ACP1: variants seen among roughly 807,000 people sequenced by gnomAD.
ACP1 encodes the protein low molecular weight phosphotyrosine protein phosphatase.
Under a neutral mutation model 23.4 loss-of-function variants are expected in ACP1, and 23 were observed. The ratio of observed to expected loss-of-function variants is 0.98; its 90% CI spans 0.71 to 1.39. The LOEUF (loss-of-function observed/expected upper bound fraction) is 1.39, where lower values mean the gene tolerates loss of function less well. Ranked by LOEUF, ACP1 falls within the 40% of genes most tolerant of loss-of-function variation. The pLI, the probability that ACP1 is intolerant of heterozygous loss-of-function variation, is 0.00. For synonymous variants in ACP1, 72 were observed against 67.2 expected, an observed-to-expected ratio of 1.07 and a Z score of -0.35; for missense variants, 180 against 197.7, an observed-to-expected ratio of 0.91 and a Z score of 0.54.
intron 1 of ACP1, 49 bp from the exon 2 acceptor site, chr2:271,817 C>A: frequency 6.9e-7 from 1 of 1,448,876 alleles, no homozygotes; most frequent in Non-Finnish European, 9.7e-7. Context: ...TGGCATGTGC[C>A]CTTCCATCCA....
chr2:268,314 CTT>C (rs1669943791), intron 1 of ACP1, among the ~76,000 whole-genome samples: 1 of 152,190 alleles, frequency 6.6e-6, no homozygotes, highest in Admixed American at 6.5e-5. Context: ...ATGTAAAAAA[CTT>C]TGTTCATTCA....
Position 264,980 on chromosome 2 carries a change from A to G in ACP1, c.16A>G (p.Thr6Ala), listed in dbSNP as rs369444515. 6.8e-6 allele frequency: 11 copies of G among 1,612,984 alleles called. No individual in the cohort carries two copies. In the African/African-American group the frequency reaches 1.2e-4, roughly 18 times the overall value. Residue 6 changes from threonine (T) to alanine (A), a missense_variant, in exon 1 of 6, where the codon ACC (threonine) becomes GCC (alanine). Physicochemically the swap from Thr to Ala is moderately conservative, Grantham distance 58 (BLOSUM62 0). Transcript: ENST00000272065. ...GCGCGGGAAGATGGCGGAACAGGCTACCAAGTCCGTGCTGTTTGTGTGTCT... is the reference window on the plus strand; with the variant it reads ...GCGCGGGAAGATGGCGGAACAGGCTGCCAAGTCCGTGCTGTTTGTGTGTCT... The part of the protein sequence containing the change: MAEQA[T>A]KSVLFVCLGN...
At chr2:269,672 T>C (rs1291487948) in intron 1 of ACP1, among the ~76,000 whole-genome samples, 1 of 152,148 alleles carries the variant, frequency 6.6e-6, no homozygotes, top group Non-Finnish European at 1.5e-5. Context: ...TCATTTATCT[T>C]CCCCAGCGCA....
chr2:275,968 T>C (rs1670160123), intron 4 of ACP1, among the ~76,000 whole-genome samples: 2 of 152,246 alleles, frequency 1.3e-5, no homozygotes, highest in Non-Finnish European at 2.9e-5. Flanking sequence ...TTAAAATGCA[T>C]GTATTTTTTA....
intron 1 of ACP1, among the ~76,000 whole-genome samples, chr2:266,075 A>G (rs1458883792): frequency 6.6e-6 from 1 of 152,232 alleles, no homozygotes; most frequent in Non-Finnish European, 1.5e-5. Context: ...AAAAGATGTA[A>G]TACAGAAAAG....
intron 1 of ACP1, among the ~76,000 whole-genome samples, chr2:265,733 A>C: frequency 6.6e-6 from 1 of 152,194 alleles, no homozygotes. Context: ...GAAGGCCTAA[A>C]TTGTCAGTAG....
At position 278,241 on chromosome 2, in the gene ACP1, AAAAT is replaced by A. The variant is rs1670230110; in HGVS notation, c.*941_*944del. 6.6e-6 allele frequency: 1 copy of A among 152,248 alleles called. No individual in the cohort carries two copies. The highest frequency in any genetic ancestry group is 2.4e-5 in the African/African-American group (1 of 41,458). The allele number at this position is 152,248 out of a possible 1,614,324, so 9.4% of individuals were successfully genotyped here. A position where few individuals can be genotyped will look rare whatever the true frequency, so the allele number is the denominator to read the frequency against. Reference sequence around the variant, plus strand: ...ATAATGTCAAAATCATGAATATTTCAAAATAAACTGGGGAGTTATAAAAATACAA... The same window carrying A: ...ATAATGTCAAAATCATGAATATTTCAAAACTGGGGAGTTATAAAAATACAA... On this transcript the variant is annotated 3_prime_UTR_variant, in exon 6 of 6. Coordinates refer to ENST00000272065, the MANE Select transcript of ACP1 (RefSeq NM_004300.4).
intron 1 of ACP1, 27 bp from the exon 2 acceptor site, chr2:271,839 T>C: frequency 1.9e-6 from 3 of 1,597,914 alleles, no homozygotes; most frequent in Non-Finnish European, 1.7e-6. Flanking sequence ...CCTAACCCTG[T>C]TTCCCCACCC....
intron 1 of ACP1, among the ~76,000 whole-genome samples, chr2:268,264 G>A (rs144691797): frequency 4.0e-4 from 61 of 152,302 alleles, no homozygotes; most frequent in African/African-American, 1.3e-3. Context: ...ATTTTACTTG[G>A]TAGCCATATA....
chr2:271,100 T>A (rs1295853262), intron 1 of ACP1, among the ~76,000 whole-genome samples: 1 of 152,166 alleles, frequency 6.6e-6, no homozygotes, highest in Non-Finnish European at 1.5e-5. Context: ...GGCTCAGGGC[T>A]TTGCATGTGA....
intron 1 of ACP1, among the ~76,000 whole-genome samples, chr2:269,110 G>A (rs1325449513): frequency 6.6e-6 from 1 of 152,144 alleles, no homozygotes; most frequent in Non-Finnish European, 1.5e-5. Flanking sequence ...TATTCCCAGG[G>A]TATATGGTGA....
Position 271,924 on chromosome 2 carries a change from A to G in ACP1, c.102A>G (p.Gln34=). The G allele has an allele frequency of 6.2e-7, 1 of 1,613,732 alleles. No individual in the cohort carries two copies. The highest frequency in any genetic ancestry group is 8.5e-7 in the Non-Finnish European group (1 of 1,179,680). ...TTTTCAGGAAACTTGTAACCGATCA[A>G]AACATCTCAGAGAATGTAAGTACCA... ...EAVFRKLVTD[Q]NISENWRVDS... The change falls in exon 2 of 6, where the codon CAA becomes CAG. Residue 34 remains glutamine (Q), a synonymous_variant. Transcript: ENST00000272065.
intron 3 of ACP1, among the ~76,000 whole-genome samples, chr2:273,406 T>G (rs966453776): frequency 6.6e-6 from 1 of 152,274 alleles, no homozygotes; most frequent in Non-Finnish European, 1.5e-5. Context: ...TTTCCAGTTT[T>G]AGCAGGAAGA....
Position 264,977 on chromosome 2 carries a change from G to A in ACP1, c.13G>A (p.Ala5Thr). 6.2e-7 allele frequency: 1 copy of A among 1,613,012 alleles called. No individual in the cohort carries two copies. The highest frequency in any genetic ancestry group is 8.5e-7 in the Non-Finnish European group (1 of 1,179,534). MAEQ[A>T]TKSVLFVCLG... ...TGCGCGCGGGAAGATGGCGGAACAG[G>A]CTACCAAGTCCGTGCTGTTTGTGTG... is the stretch of plus-strand genomic sequence containing the variant. Residue 5 changes from alanine to threonine, a missense_variant, in exon 1 of 6, where the codon GCT (alanine) becomes ACT (threonine). Physicochemically the swap from Ala to Thr is moderately conservative, Grantham distance 58 (BLOSUM62 0). This residue lies in a region of ACP1 where 132 missense variants were observed against 124.1 expected (regional missense o/e 1.06). Transcript: ENST00000272065.
At chr2:272,265 T>G (rs748483148) in intron 3 of ACP1, 115 bp downstream of exon 3, 1 of 1,614,120 alleles carries the variant, frequency 6.2e-7, no homozygotes, top group Non-Finnish European at 8.5e-7. Flanking sequence ...GTGAGCTGCC[T>G]AAGAAATCAT....
At chr2:270,564 ATTGT>A (rs1341656432) in intron 1 of ACP1, among the ~76,000 whole-genome samples, 1 of 151,844 alleles carries the variant, frequency 6.6e-6, no homozygotes. Context: ...GCTGTAGTGT[ATTGT>A]TTATCAGCAT....
chr2:265,238 G>A (rs911013295), intron 1 of ACP1: 2 of 496,134 alleles, frequency 4.0e-6, no homozygotes, highest in Admixed American at 4.1e-5. Flanking sequence ...CCATATATCC[G>A]GGGCTCTTGG....
chr2:265,531 C>A (rs1669843769), intron 1 of ACP1, among the ~76,000 whole-genome samples: 1 of 152,162 alleles, frequency 6.6e-6, no homozygotes, highest in East Asian at 1.9e-4. Flanking sequence ...ATAACTTTGG[C>A]CCATGAAAAA....
rs528542266 is a variant in ACP1, at chr2:277,282, C to T, written c.455C>T (p.Ala152Val). Residue 152 changes from alanine to valine, a missense_variant, in exon 6 of 6, where the codon GCG (alanine) becomes GTG (valine). Ala to Val is a moderately conservative substitution (Grantham distance 64, BLOSUM62 0). This residue lies in a region of ACP1 where 35 missense variants were observed against 40.5 expected (regional missense o/e 0.86). Transcript: ENST00000272065. ...CAGCAGTGTGTCAGGTGCTGCAGAG[C>T]GTTCTTGGAGAAGGCCCACTGAGGC... ...VYQQCVRCCRAFLEKAH is the reference protein window; with the variant it reads ...VYQQCVRCCRVFLEKAH The T allele has an allele frequency of 5.6e-6, 9 of 1,613,012 alleles. No homozygotes were observed. The highest frequency in any genetic ancestry group is 1.7e-5 in the Admixed American group (1 of 60,026).
Sources: allele counts gnomAD v4.1 joint callset (sites outside exome capture counted in the v4.1 genomes callset), GRCh38; gene constraint gnomAD v4.1.1; regional missense constraint gnomAD v4.1.1; transcripts MANE v1.5; gene names NCBI Gene and HGNC (gene_info 2026-07-23, HGNC 2026-07-21).